RUSF1: variants seen among roughly 807,000 people sequenced by gnomAD.
RUSF1 encodes RUS1 family protein C16orf58.
Under a neutral mutation model 63.0 loss-of-function variants are expected in RUSF1, and 58 were observed. The ratio of observed to expected loss-of-function variants is 0.92; its 90% CI spans 0.75 to 1.15. The LOEUF is 1.15. Ranked by LOEUF, RUSF1 falls within the 50% of genes most tolerant of loss-of-function variation. The probability of loss-of-function intolerance (pLI) is 0.00; values close to 1 mark genes in which losing one functional copy is unlikely to be tolerated. For synonymous variants in RUSF1, 274 were observed against 255.8 expected (o/e 1.07, Z -0.68); for missense variants, 652 against 611.0 (o/e 1.07, Z -0.71).
intron 12 of RUSF1, 111 bp downstream of exon 12, chr16:31,491,898 C>T: frequency 4.2e-6 from 5 of 1,194,128 alleles, no homozygotes; most frequent in Admixed American, 2.1e-5. Flanking sequence ...TGCACCAGGC[C>T]CAAGAACCCA....
rs2082586625 is a variant in RUSF1 at position 31,493,658 on chromosome 16, C to T, written c.903G>A (p.Gln301=). 1 of 1,614,110 alleles carries T rather than the reference C, an allele frequency of 6.2e-7. No homozygotes were observed. ...CAGTTGGGTCGAGTACCTCTCCCCTCTGAAGGTAGTGCTTCAGGACCAGCC... is the reference window on the plus strand; with the variant it reads ...CAGTTGGGTCGAGTACCTCTCCCCTTTGAAGGTAGTGCTTCAGGACCAGCC... ...RLRLVLKHYL[Q]RGEVLDPTAA... is the part of the protein sequence containing the mutation. Residue 301 remains glutamine (Q), a synonymous_variant, in exon 8 of 13, where the codon CAG becomes CAA. Coordinates refer to ENST00000327237, the MANE Select transcript of RUSF1 (RefSeq NM_022744.4).
At chr16:31,494,081 G>T in intron 6 of RUSF1, 145 bp from the exon 7 acceptor site, 2 of 887,294 alleles carry the variant, frequency 2.3e-6, no homozygotes, top group Non-Finnish European at 3.5e-6. Context: ...GTTTTTGGTG[G>T]GTGAAATGTC....
At position 31,493,031 on chromosome 16, in the gene RUSF1, T is replaced by C; in HGVS notation, c.1034A>G (p.Gln345Arg). Reference sequence around the variant, plus strand: ...GGATTCTTGGTGCCCCTCAACCAGCTGCTGCAGCTCAAAGACACTGTGGGG... The same window carrying C: ...GGATTCTTGGTGCCCCTCAACCAGCCGCTGCAGCTCAAAGACACTGTGGGG... ...RLVSSVFELQ[Q>R]LVEGHQESYL... The change falls in exon 10 of 13, where the codon CAG becomes CGG. Residue 345 changes from glutamine (Q) to arginine (R), a missense_variant. Coordinates refer to ENST00000327237, the MANE Select transcript of RUSF1 (RefSeq NM_022744.4). 1 of 1,613,856 alleles carries C rather than the reference T, an allele frequency of 6.2e-7. No individual in the cohort carries two copies. Among genetic ancestry groups the C allele is most frequent in the Non-Finnish European group, 8.5e-7 (1 of 1,179,932 alleles).
intron 6 of RUSF1, among the ~76,000 whole-genome samples, chr16:31,495,863 A>G (rs2082599384): frequency 6.6e-6 from 1 of 152,188 alleles, no homozygotes. Flanking sequence ...GAACCAAAAT[A>G]CTTGGCACAT....
At position 31,490,805 on chromosome 16, in the gene RUSF1, G is replaced by C; in HGVS notation, c.*30C>G. Reference sequence around the variant, plus strand: ...CAAAGTGTCCTTGCTCCAGGTTCCTGCCCTGGGCTTGGGCCTCCGTCTGGG... The same window carrying C: ...CAAAGTGTCCTTGCTCCAGGTTCCTCCCCTGGGCTTGGGCCTCCGTCTGGG... On this transcript the variant is annotated 3_prime_UTR_variant, in exon 13 of 13. Coordinates refer to ENST00000327237, the MANE Select transcript of RUSF1 (RefSeq NM_022744.4). The C allele has an allele frequency of 1.2e-6, 2 of 1,609,820 alleles. No homozygotes were observed. The highest frequency in any genetic ancestry group is 1.7e-6 in the Non-Finnish European group (2 of 1,176,216).
intron 10 of RUSF1, 23 bp from the exon 11 acceptor site, chr16:31,492,363 T>C (rs2082575971): frequency 6.6e-7 from 1 of 1,521,896 alleles, no homozygotes; most frequent in Non-Finnish European, 8.8e-7. Flanking sequence ...AGAGACAGAC[T>C]GGTATCAGGG....
Position 31,497,512 on chromosome 16 carries a change from T to C in RUSF1, c.601-562A>G, listed in dbSNP as rs112853480. Among the ~76,000 whole-genome samples the C allele has an allele frequency of 1.0e-2, 1,517 of 152,292 alleles. 12 individuals are homozygous for C. The highest frequency in any genetic ancestry group is 0.018 in the Non-Finnish European group (1,205 of 68,032). ...ATTACTATTTTTATTTATCCTTAGT[T>C]TTTGAATACAGACAGAGTCTCCCTG... On this transcript the variant is annotated intron_variant, in intron 5 of 12. Coordinates refer to ENST00000327237, the MANE Select transcript of RUSF1 (RefSeq NM_022744.4).
rs1327155358 is a variant in RUSF1, at chr16:31,493,603, C to T, written c.958G>A (p.Gly320Ser). ...GACCCGAGACCAGGGGCAGGGTCAC[C>T]TGTCCACAGCGGCTCCATGCGATTG... ...AANRMEPLWT[G>S]FWPAPSLSLG... Residue 320 changes from glycine (G) to serine (S), a missense_variant and splice_region_variant, in exon 8 of 13, where the codon GGT (glycine) becomes AGT (serine). Coordinates refer to ENST00000327237, the MANE Select transcript of RUSF1 (RefSeq NM_022744.4). 2 of 1,614,110 alleles carry T rather than the reference C, an allele frequency of 1.2e-6. No homozygotes were observed. Among genetic ancestry groups the T allele is most frequent in the African/African-American group, 1.3e-5 (1 of 74,946 alleles).
intron 10 of RUSF1, 56 bp downstream of exon 10, chr16:31,492,922 A>G: frequency 6.5e-7 from 1 of 1,536,806 alleles, no homozygotes; most frequent in Non-Finnish European, 8.9e-7. Context: ...GGTTGGAGGA[A>G]TGAGAGGCTG....
chr16:31,495,183 C>T (rs2142648618), intron 6 of RUSF1, among the ~76,000 whole-genome samples: 2 of 152,212 alleles, frequency 1.3e-5, no homozygotes, highest in Middle Eastern at 6.8e-3. Flanking sequence ...GGCTACCTGC[C>T]CCCAACTCAT....
At chr16:31,491,921 T>C (rs1247141007) in intron 12 of RUSF1, 88 bp downstream of exon 12, 7 of 1,392,248 alleles carry the variant, frequency 5.0e-6, no homozygotes, top group Middle Eastern at 2.1e-4. Flanking sequence ...TCTTTTACCT[T>C]TCAGGTGAAA....
At position 31,490,743 on chromosome 16, in the gene RUSF1, G is replaced by A. The variant is rs914951232; in HGVS notation, c.*92C>T. ...GCCCACCCGCTGCAGTTGCCCTAAG[G>A]AAAAATAAAGCTGCCTTTCCCCTGT... On this transcript the variant is annotated 3_prime_UTR_variant, in exon 13 of 13. Coordinates refer to ENST00000327237, the MANE Select transcript of RUSF1 (RefSeq NM_022744.4). 9.6e-6 allele frequency: 14 copies of A among 1,457,602 alleles called. No homozygotes were observed. Among genetic ancestry groups the A allele is most frequent in the Non-Finnish European group, 1.3e-5 (14 of 1,043,680 alleles). 90.3% of individuals were successfully genotyped at this position (1,457,602 alleles called of 1,614,324 possible).
chr16:31,489,948 T>G lies in RUSF1; in HGVS notation c.*887A>C. 1.6e-5 allele frequency: 15 copies of G among 927,088 alleles called. No individual in the cohort carries two copies. The highest frequency in any genetic ancestry group is 2.0e-5 in the Non-Finnish European group (12 of 589,700). 57.4% of individuals were successfully genotyped at this position (927,088 alleles called of 1,614,324 possible). A position where few individuals can be genotyped will look rare whatever the true frequency, so the allele number is the denominator to read the frequency against. On this transcript the variant is annotated 3_prime_UTR_variant, in exon 13 of 13. Transcript: ENST00000327237. ...TTATCCCGAGGGCACAGGGCAGCCATGTAGGGTGGAGTTGGCATGAGTTAA... is the reference window on the plus strand; with the variant it reads ...TTATCCCGAGGGCACAGGGCAGCCAGGTAGGGTGGAGTTGGCATGAGTTAA...
At position 31,490,548 on chromosome 16, in the gene RUSF1, T is replaced by A. The variant is rs2082557154; in HGVS notation, c.*287A>T. ...CTTCTATGCCTAAGACCAACTGCGT[T>A]GGACACCATAAGCCACAGCCTCACA... On this transcript the variant is annotated 3_prime_UTR_variant, in exon 13 of 13. Transcript: ENST00000327237. The A allele has an allele frequency of 6.3e-7, 1 of 1,594,490 alleles. No individual in the cohort carries two copies. Among genetic ancestry groups the A allele is most frequent in the African/African-American group, 1.3e-5 (1 of 74,648 alleles).
At chr16:31,500,786 GC>G in intron 2 of RUSF1, 55 bp from the exon 3 acceptor site, 1 of 1,570,340 alleles carries the variant, frequency 6.4e-7, no homozygotes, top group Non-Finnish European at 8.7e-7. Context: ...GAGCTGTGGG[GC>G]CTGGCAGACC....
At position 31,492,181 on chromosome 16, in the gene RUSF1, A is replaced by ATC. The variant is rs765140977; in HGVS notation, c.1231+14_1231+15dup. The ATC allele has an allele frequency of 6.2e-7, 1 of 1,610,314 alleles. No homozygotes were observed. Among genetic ancestry groups the ATC allele is most frequent in the East Asian group, 2.2e-5 (1 of 44,772 alleles). On this transcript the variant is annotated intron_variant, in intron 11 of 12. Transcript: ENST00000327237. ...CCACCCTGAGGCATCAGCAGTCTAA[A>ATC]TCTTGAGGCACTTACCTGCCCGCAC...
Position 31,490,302 on chromosome 16 carries a change from C to T in RUSF1, c.*533G>A. ...CAAACTAACTGCAGGGCCTCAATTT[C>T]CCTCAGAGCCCCAGGCCCCGGCACC... On this transcript the variant is annotated 3_prime_UTR_variant, in exon 13 of 13. Coordinates refer to ENST00000327237, the MANE Select transcript of RUSF1 (RefSeq NM_022744.4). The T allele has an allele frequency of 6.2e-7, 1 of 1,612,732 alleles. No individual in the cohort carries two copies. Among genetic ancestry groups the T allele is most frequent in the Non-Finnish European group, 8.5e-7 (1 of 1,179,510 alleles).
At chr16:31,492,860 G>C in intron 10 of RUSF1, 118 bp downstream of exon 10, 2 of 994,992 alleles carry the variant, frequency 2.0e-6, no homozygotes, top group Middle Eastern at 3.3e-4. Context: ...GAACGGTCTA[G>C]AGCAACCCCC....
Position 31,496,907 on chromosome 16 carries a change from G to A in RUSF1, c.644C>T (p.Thr215Ile), listed in dbSNP as rs747334095. The part of the protein sequence containing the change: ...VAGGATRAAL[T>I]VHQARRNNMA... ...GTTGTTCCTCCGAGCCTGGTGCACGGTCAGGGCAGCCCGAGTGGCCCCACC... is the reference window on the plus strand; with the variant it reads ...GTTGTTCCTCCGAGCCTGGTGCACGATCAGGGCAGCCCGAGTGGCCCCACC... Residue 215 changes from threonine (T) to isoleucine (I), a missense_variant, in exon 6 of 13, where the codon ACC (threonine) becomes ATC (isoleucine). Thr to Ile is a moderately conservative substitution (Grantham distance 89, BLOSUM62 -1). Transcript: ENST00000327237. The A allele has an allele frequency of 1.4e-5, 22 of 1,610,166 alleles. No individual in the cohort carries two copies. In the South Asian group the frequency reaches 2.2e-4, roughly 16 times the overall value.
Sources: gnomAD v4.1 joint callset for allele counts (sites outside exome capture counted in the v4.1 genomes callset) on GRCh38, gnomAD v4.1.1 for gene constraint, MANE v1.5 for transcripts, NCBI Gene and HGNC (gene_info 2026-07-23, HGNC 2026-07-21) for gene names.